RSRC1: variants seen among roughly 807,000 people sequenced by gnomAD.
The protein encoded by RSRC1 is serine/Arginine-related protein 53.
In RSRC1, 39 loss-of-function variants were observed where a neutral mutation model predicts 49.1. The observed-to-expected ratio is 0.79, with a 90% CI of 0.61 to 1.04. The LOEUF (loss-of-function observed/expected upper bound fraction) is 1.04, where lower values mean the gene tolerates loss of function less well. Ranked by LOEUF, RSRC1 falls within the 50% of genes least tolerant of loss-of-function variation. The pLI, the probability that RSRC1 is intolerant of heterozygous loss-of-function variation, is 0.00. For synonymous variants in RSRC1, 143 were observed against 130.8 expected (o/e 1.09, Z -0.63); for missense variants, 388 against 402.4 (o/e 0.96, Z 0.31).
At chr3:158,113,633 C>T (rs1398182770) in intron 1 of RSRC1, among the ~76,000 whole-genome samples, 1 of 152,096 alleles carries the variant, frequency 6.6e-6, no homozygotes, top group African/African-American at 2.4e-5. Flanking sequence ...TCCCAAAGTA[C>T]TAGGATTACA....
At chr3:158,165,501 T>C (rs1266670933) in intron 3 of RSRC1, among the ~76,000 whole-genome samples, 1 of 152,244 alleles carries the variant, frequency 6.6e-6, no homozygotes, top group East Asian at 1.9e-4. Flanking sequence ...TAACTATCCT[T>C]GGGGCCATGT....
intron 3 of RSRC1, among the ~76,000 whole-genome samples, chr3:158,195,138 T>C (rs1433271090): frequency 2.0e-5 from 3 of 152,190 alleles, no homozygotes; most frequent in Admixed American, 2.0e-4. Context: ...TTGCTGTTTC[T>C]CCACATCCTC....
chr3:158,461,307 A>G (rs1737599054), intron 7 of RSRC1, among the ~76,000 whole-genome samples: 2 of 151,936 alleles, frequency 1.3e-5, no homozygotes, highest in South Asian at 4.1e-4. Context: ...TCAGTCACAG[A>G]AATAGATTGA....
intron 5 of RSRC1, among the ~76,000 whole-genome samples, chr3:158,325,747 G>T (rs1266549319): frequency 3.3e-5 from 5 of 151,958 alleles, no homozygotes; most frequent in Admixed American, 1.3e-4. Context: ...TTAAAGTAGT[G>T]TTCTCCAATT....
chr3:158,470,355 C>CATATATATATAT (rs1305618940), intron 7 of RSRC1, among the ~76,000 whole-genome samples: 3 of 117,144 alleles, frequency 2.6e-5, no homozygotes, highest in African/African-American at 7.4e-5. Flanking sequence ...CACACACACA[C>CATATATATATAT]ACACACATAT....
intron 4 of RSRC1, among the ~76,000 whole-genome samples, chr3:158,240,608 G>T (rs73028000): frequency 0.017 from 2,562 of 152,208 alleles, 66 homozygotes; most frequent in African/African-American, 0.059. Flanking sequence ...TCTTTCCCCA[G>T]ATTTAGTATA....
chr3:158,437,139 G>A lies in RSRC1; in HGVS notation c.584-23796G>A, dbSNP rs142773552. Among the ~76,000 whole-genome samples the A allele has an allele frequency of 2.2e-3, 333 of 151,700 alleles. 1 individual carries two copies. Among genetic ancestry groups the A allele is most frequent in the Admixed American group, 3.7e-3 (56 of 15,232 alleles). ...ACACAAAAAAAAAAACCTTTGGATG[G>A]GGATCTGAAGAATATACTATCCTAC... On this transcript the variant is annotated intron_variant, in intron 6 of 9. Transcript: ENST00000611884.
intron 4 of RSRC1, among the ~76,000 whole-genome samples, chr3:158,249,881 G>A (rs986898827): frequency 3.9e-5 from 6 of 151,906 alleles, no homozygotes; most frequent in Non-Finnish European, 8.8e-5. Flanking sequence ...AATTACTGTA[G>A]CGATCCTCTT....
At chr3:158,504,172 G>A (rs1739742460) in intron 7 of RSRC1, among the ~76,000 whole-genome samples, 1 of 152,214 alleles carries the variant, frequency 6.6e-6, no homozygotes, top group Non-Finnish European at 1.5e-5. Flanking sequence ...GTGTTCGGGA[G>A]AGGAGGCTGT....
At chr3:158,343,403 C>G (rs76281440) in intron 5 of RSRC1, among the ~76,000 whole-genome samples, 1,647 of 152,084 alleles carry the variant, frequency 0.011, 30 homozygotes, top group African/African-American at 0.038. Context: ...GTCTGACATC[C>G]TATCAAAAAT....
intron 4 of RSRC1, among the ~76,000 whole-genome samples, chr3:158,269,284 C>CA (rs890829467): frequency 9.2e-5 from 14 of 152,248 alleles, no homozygotes; most frequent in African/African-American, 3.4e-4. Context: ...ATGATATTTA[C>CA]AAAATTATTT....
intron 4 of RSRC1, among the ~76,000 whole-genome samples, chr3:158,296,192 G>A (rs141858049): frequency 0.018 from 2,768 of 152,124 alleles, 27 homozygotes; most frequent in Non-Finnish European, 0.026. Flanking sequence ...CAATGTAGCT[G>A]TGCGAGAAAG....
At chr3:158,236,489 A>G (rs1371754037) in intron 4 of RSRC1, among the ~76,000 whole-genome samples, 4 of 152,196 alleles carry the variant, frequency 2.6e-5, no homozygotes, top group Non-Finnish European at 4.4e-5. Context: ...CCCAGCATCC[A>G]GAAGCAACAA....
chr3:158,540,132 G>A (rs946098633), intron 8 of RSRC1, among the ~76,000 whole-genome samples: 4 of 152,102 alleles, frequency 2.6e-5, no homozygotes, highest in African/African-American at 9.7e-5. Flanking sequence ...TTGCACTTGT[G>A]CAGAATATTG....
At chr3:158,145,571 C>T (rs2108203256) in intron 3 of RSRC1, among the ~76,000 whole-genome samples, 1 of 152,254 alleles carries the variant, frequency 6.6e-6, no homozygotes, top group South Asian at 2.1e-4. Flanking sequence ...AGCATGATGC[C>T]TCCAGCTTTA....
intron 6 of RSRC1, among the ~76,000 whole-genome samples, chr3:158,429,951 A>G (rs1478768321): frequency 1.3e-5 from 2 of 151,784 alleles, no homozygotes; most frequent in East Asian, 2.0e-4. Flanking sequence ...AATAAACTCT[A>G]GAGATCTGCT....
chr3:158,204,992 T>G (rs1034202392), intron 4 of RSRC1, among the ~76,000 whole-genome samples: 1 of 152,154 alleles, frequency 6.6e-6, no homozygotes, highest in Non-Finnish European at 1.5e-5. Flanking sequence ...TCAGCCAGCT[T>G]TACAGGTTAG....
chr3:158,146,597 T>G (rs1559918263), intron 3 of RSRC1, among the ~76,000 whole-genome samples: 1 of 152,136 alleles, frequency 6.6e-6, no homozygotes. Flanking sequence ...TCTCTTTTTT[T>G]GTTGTGTCTC....
chr3:158,342,537 A>G (rs1730312523), intron 5 of RSRC1, among the ~76,000 whole-genome samples: 1 of 152,182 alleles, frequency 6.6e-6, no homozygotes, highest in African/African-American at 2.4e-5. Context: ...CATAAATCCA[A>G]TTAAACCTCT....
Sources: gnomAD v4.1 joint callset for allele counts (sites outside exome capture counted in the v4.1 genomes callset) on GRCh38, gnomAD v4.1.1 for gene constraint, MANE v1.5 for transcripts, NCBI Gene and HGNC (gene_info 2026-07-23, HGNC 2026-07-21) for gene names.